The following TCF7L2 variants were observed in gnomAD, a reference collection of about 807,000 sequenced individuals.
TCF7L2 encodes transcription factor 7-like 2.
A neutral mutation model predicts 77.9 loss-of-function variants in TCF7L2; 23 were observed. The ratio of observed to expected loss-of-function variants is 0.30; its 90% CI spans 0.21 to 0.42. The LOEUF (loss-of-function observed/expected upper bound fraction) is 0.42. Ranked by LOEUF, TCF7L2 falls within the 10% of genes least tolerant of loss-of-function variation. The pLI is 1.00. For synonymous variants in TCF7L2, 413 were observed against 340.2 expected, an observed-to-expected ratio of 1.21 and a Z score of -2.36; for missense variants, 654 against 793.1, an observed-to-expected ratio of 0.82 and a Z score of 2.11.
intron 4 of TCF7L2, among the ~76,000 whole-genome samples, chr10:113,000,923 C>T (rs773473967): frequency 6.6e-6 from 1 of 152,200 alleles, no homozygotes; most frequent in Admixed American, 6.5e-5. Flanking sequence ...CCCTTCACTT[C>T]CCGGCCTTCC....
chr10:113,089,543 A>G (rs768153723), intron 5 of TCF7L2: 2 of 1,613,576 alleles, frequency 1.2e-6, no homozygotes, highest in East Asian at 2.2e-5. Context: ...GTATTGAGGT[A>G]GGTCTCGGAG....
At chr10:113,095,148 C>A (rs191427514) in intron 5 of TCF7L2, among the ~76,000 whole-genome samples, 19 of 152,198 alleles carry the variant, frequency 1.2e-4, no homozygotes, top group Admixed American at 1.2e-3. Context: ...AACAAAGTTC[C>A]ACTATAAATA....
At chr10:113,040,907 A>G (rs1292732093) in intron 5 of TCF7L2, among the ~76,000 whole-genome samples, 1 of 152,232 alleles carries the variant, frequency 6.6e-6, no homozygotes, top group African/African-American at 2.4e-5. Flanking sequence ...TAATTAATGG[A>G]AGGCATATTT....
At chr10:113,140,888 T>C (rs2068249020) in intron 5 of TCF7L2, among the ~76,000 whole-genome samples, 1 of 152,194 alleles carries the variant, frequency 6.6e-6, no homozygotes, top group Non-Finnish European at 1.5e-5. Context: ...ACTCACCTGC[T>C]AATGGGAAAA....
In TCF7L2 at chr10:112,951,598, C is replaced by A; in HGVS notation, c.372C>A (p.Thr124=). 7.6e-7 allele frequency: 1 copy of A among 1,313,610 alleles called. No individual in the cohort carries two copies. Among genetic ancestry groups the A allele is most frequent in the Non-Finnish European group, 1.0e-6 (1 of 1,001,980 alleles). The allele number at this position is 1,313,610 out of a possible 1,614,324, so 81.4% of individuals were successfully genotyped here. ...TCCCCAACGGATCGCTCTCGCCCAC[C>A]GCCCGAACCGTAAGTGCCTCCGCGC... Residue 124 remains threonine, a synonymous_variant, in exon 3 of 14, where the codon ACC becomes ACA. Coordinates refer to ENST00000627217, the MANE Select transcript of TCF7L2 (RefSeq NM_001146274.2).
intron 4 of TCF7L2, among the ~76,000 whole-genome samples, chr10:112,972,716 C>T (rs769127820): frequency 6.6e-6 from 1 of 152,210 alleles, no homozygotes; most frequent in South Asian, 2.1e-4. Flanking sequence ...AGCTCTCCGC[C>T]TGCCTTAGCC....
chr10:113,040,950 A>T (rs1205136210), intron 5 of TCF7L2, among the ~76,000 whole-genome samples: 3 of 152,272 alleles, frequency 2.0e-5, no homozygotes, highest in African/African-American at 4.8e-5. Context: ...AGGTAGAATT[A>T]TGCAAAGCAT....
intron 5 of TCF7L2, among the ~76,000 whole-genome samples, chr10:113,088,364 C>CT (rs1254195397): frequency 6.6e-6 from 1 of 152,086 alleles, no homozygotes. Flanking sequence ...GGGCATGCTC[C>CT]TTACAGTCTC....
chr10:113,165,539 T>C lies in TCF7L2; in HGVS notation c.1392-16T>C, dbSNP rs1463479193. On this transcript the variant is annotated splice_polypyrimidine_tract_variant and intron_variant, in intron 13 of 13. Coordinates refer to ENST00000627217, the MANE Select transcript of TCF7L2 (RefSeq NM_001146274.2). ...TGTGCCCTCTATTCACAGATAACTC[T>C]CTCCCCTGTTTCTAGGAGAAAAAAA... 1.2e-6 allele frequency: 2 copies of C among 1,612,762 alleles called. No homozygotes were observed. The highest frequency in any genetic ancestry group is 1.3e-5 in the African/African-American group (1 of 74,734).
At chr10:112,999,340 G>C (rs1433438076) in intron 4 of TCF7L2, among the ~76,000 whole-genome samples, 3 of 152,262 alleles carry the variant, frequency 2.0e-5, no homozygotes, top group Non-Finnish European at 2.9e-5. Context: ...AGGCAGGGAG[G>C]CACCTTGTAG....
At chr10:113,019,149 A>G (rs1384654871) in intron 4 of TCF7L2, among the ~76,000 whole-genome samples, 1 of 152,212 alleles carries the variant, frequency 6.6e-6, no homozygotes, top group Non-Finnish European at 1.5e-5. Flanking sequence ...GGAAGTCCTC[A>G]CGGACAGGAA....
chr10:112,953,224 T>A (rs1170453875), intron 3 of TCF7L2, among the ~76,000 whole-genome samples: 1 of 152,084 alleles, frequency 6.6e-6, no homozygotes, highest in Non-Finnish European at 1.5e-5. Context: ...TCATTTTTTT[T>A]ATGGCTAGGG....
chr10:112,984,993 G>A (rs992108029), intron 4 of TCF7L2, among the ~76,000 whole-genome samples: 2 of 152,204 alleles, frequency 1.3e-5, no homozygotes, highest in Non-Finnish European at 2.9e-5. Flanking sequence ...TTTATTGCCT[G>A]TGGGACCGCC....
intron 8 of TCF7L2, among the ~76,000 whole-genome samples, chr10:113,147,670 G>T (rs976244530): frequency 1.3e-5 from 2 of 152,192 alleles, no homozygotes. Context: ...TAGTGTAGCA[G>T]CTTATACTCC....
At chr10:113,029,453 T>C (rs974480418) in intron 4 of TCF7L2, among the ~76,000 whole-genome samples, 1 of 151,770 alleles carries the variant, frequency 6.6e-6, no homozygotes, top group Non-Finnish European at 1.5e-5. Context: ...ATAGAACGGG[T>C]TCACAGGTTT....
Position 113,151,644 on chromosome 10 carries a change from C to G in TCF7L2, c.1002-81C>G. 2 of 1,489,080 alleles carry G rather than the reference C, an allele frequency of 1.3e-6. No homozygotes were observed. Among genetic ancestry groups the G allele is most frequent in the Non-Finnish European group, 1.8e-6 (2 of 1,121,070 alleles). The allele number at this position is 1,489,080 out of a possible 1,614,324, so 92.2% of individuals were successfully genotyped here. ...ACTGCTAGGCTTGGGGGTTATGAGA[C>G]AAGGAGATACGTTCCCTGCCATGGA... On this transcript the variant is annotated intron_variant, in intron 9 of 13. Transcript: ENST00000627217. This position sits in a 1 kb window ranked among gnomAD's most constrained non-coding sequence, Gnocchi z 5.2.
chr10:112,971,452 G>A (rs1321286195), intron 4 of TCF7L2, among the ~76,000 whole-genome samples: 2 of 152,044 alleles, frequency 1.3e-5, no homozygotes, highest in East Asian at 3.9e-4. Context: ...GGGATTACAG[G>A]TGTGCACCAC....
chr10:113,156,075 T>C (rs2137293313), intron 11 of TCF7L2, among the ~76,000 whole-genome samples: 1 of 152,202 alleles, frequency 6.6e-6, no homozygotes, highest in East Asian at 1.9e-4. Context: ...CCTTGAGGTT[T>C]TCCTGACAGA....
In TCF7L2 at chr10:113,083,873, A is replaced by G. The variant is rs144714577; in HGVS notation, c.552+43747A>G. Among the ~76,000 whole-genome samples the G allele has an allele frequency of 2.8e-3, 421 of 152,322 alleles. 2 individuals are homozygous for G. Among genetic ancestry groups the G allele is most frequent in the African/African-American group, 9.3e-3 (386 of 41,574 alleles). ...CAAAAGAAAATTCTTCCATTTATGC[A>G]TAGAACCTTGAACTCTAGTCTTTAA... is the stretch of plus-strand genomic sequence containing the variant. On this transcript the variant is annotated intron_variant, in intron 5 of 13. Coordinates refer to ENST00000627217, the MANE Select transcript of TCF7L2 (RefSeq NM_001146274.2).
Sources: allele counts gnomAD v4.1 joint callset (sites outside exome capture counted in the v4.1 genomes callset), GRCh38; gene constraint gnomAD v4.1.1; non-coding constraint Gnocchi (gnomAD v3.1); transcripts MANE v1.5; gene names NCBI Gene and HGNC (gene_info 2026-07-23, HGNC 2026-07-21).